Variants in STX8 observed in about 807,000 individuals in gnomAD.
STX8 encodes syntaxin 8.
A neutral mutation model predicts 37.5 loss-of-function variants in STX8; 23 were observed. The ratio of observed to expected loss-of-function variants is 0.61; its 90% CI spans 0.44 to 0.87. The LOEUF (loss-of-function observed/expected upper bound fraction) is 0.87, where lower values mean the gene tolerates loss of function less well. STX8 is among the 40% of genes least tolerant of loss of function. The probability of loss-of-function intolerance (pLI) is 0.00; values close to 1 mark genes in which losing one functional copy is unlikely to be tolerated. For synonymous variants in STX8, 115 were observed against 99.1 expected, an observed-to-expected ratio of 1.16 and a Z score of -0.95; for missense variants, 313 against 284.7, an observed-to-expected ratio of 1.10 and a Z score of -0.71.
chr17:9,558,380 T>C (rs148902175), intron 2 of STX8, among the ~76,000 whole-genome samples: 2 of 152,168 alleles, frequency 1.3e-5, no homozygotes, highest in Non-Finnish European at 2.9e-5. Flanking sequence ...CCAGCCAGTG[T>C]GTCAGAGACT....
chr17:9,395,271 C>G (rs1363925113), intron 6 of STX8, among the ~76,000 whole-genome samples: 1 of 151,978 alleles, frequency 6.6e-6, no homozygotes, highest in Non-Finnish European at 1.5e-5. Context: ...ATGTTGAAGA[C>G]AATGCGTGTT....
intron 4 of STX8, among the ~76,000 whole-genome samples, chr17:9,513,556 C>G (rs1905085775): frequency 6.6e-6 from 1 of 152,142 alleles, no homozygotes; most frequent in East Asian, 1.9e-4. Context: ...AACAGGAACT[C>G]TTATACACAG....
intron 5 of STX8, among the ~76,000 whole-genome samples, chr17:9,496,136 C>T (rs1034001194): frequency 5.3e-5 from 8 of 150,288 alleles, no homozygotes; most frequent in African/African-American, 2.0e-4. Flanking sequence ...AGTACAATGG[C>T]ATGATCTCGG....
At chr17:9,479,896 G>A (rs1271402125) in intron 6 of STX8, among the ~76,000 whole-genome samples, 1 of 151,950 alleles carries the variant, frequency 6.6e-6, no homozygotes, top group Non-Finnish European at 1.5e-5. Context: ...TGACTGACTG[G>A]CCTTCTCTCA....
rs975145865 is a variant in STX8 at position 9,542,583 on chromosome 17, A to G, written c.323+2589T>C. On this transcript the variant is annotated intron_variant, in intron 4 of 7. Transcript: ENST00000306357. ...TCCCAGCTACTCGGGAGGCTGAGGC[A>G]GGAGAGTGGTGTGAACCTGGGAGGC... 3.3e-5 allele frequency among the ~76,000 whole-genome samples: 5 copies of G among 151,990 alleles called. No individual in the cohort carries two copies. The South Asian group carries it at 1.0e-3, about 32-fold the overall frequency.
chr17:9,414,092 A>ACCCACCTACCCATCTG (rs1913083582), intron 6 of STX8, among the ~76,000 whole-genome samples: 3 of 63,190 alleles, frequency 4.7e-5, no homozygotes, highest in African/African-American at 1.6e-4. Context: ...CCATCCATCC[A>ACCCACCTACCCATCTG]TCCATCCATC....
chr17:9,357,248 G>A (rs931083317), intron 7 of STX8, among the ~76,000 whole-genome samples: 1 of 151,984 alleles, frequency 6.6e-6, no homozygotes, highest in East Asian at 1.9e-4. Flanking sequence ...GATTATAGGC[G>A]TGAGCCACTG....
At chr17:9,440,087 T>G (rs1904585119) in intron 6 of STX8, among the ~76,000 whole-genome samples, 1 of 151,960 alleles carries the variant, frequency 6.6e-6, no homozygotes, top group Admixed American at 6.6e-5. Context: ...TCCAGAACCA[T>G]GGAAAATACC....
intron 2 of STX8, among the ~76,000 whole-genome samples, chr17:9,564,588 G>A (rs1396017573): frequency 6.6e-6 from 1 of 152,084 alleles, no homozygotes; most frequent in Admixed American, 6.6e-5. Context: ...GCCAAATCAG[G>A]AATGCACTCC....
chr17:9,538,538 A>T (rs1906150710), intron 4 of STX8, among the ~76,000 whole-genome samples: 1 of 152,242 alleles, frequency 6.6e-6, no homozygotes, highest in Admixed American at 6.5e-5. Flanking sequence ...ACTGATATGA[A>T]ATACACATTG....
intron 7 of STX8, among the ~76,000 whole-genome samples, chr17:9,338,963 C>T (rs879545317): frequency 2.0e-5 from 3 of 151,198 alleles, no homozygotes; most frequent in African/African-American, 4.9e-5. Context: ...CCCAGCTACT[C>T]CAGAGGCTGA....
chr17:9,336,911 G>T (rs2142225301), intron 7 of STX8, among the ~76,000 whole-genome samples: 1 of 152,308 alleles, frequency 6.6e-6, no homozygotes, highest in South Asian at 2.1e-4. Context: ...GGGTGCAGGA[G>T]AAATGAAGTT....
At chr17:9,438,964 T>A (rs1316063610) in intron 6 of STX8, among the ~76,000 whole-genome samples, 1 of 152,024 alleles carries the variant, frequency 6.6e-6, no homozygotes, top group African/African-American at 2.4e-5. Context: ...AAAACCATAG[T>A]CAAACAAACA....
chr17:9,511,192 T>C (rs894024505), intron 4 of STX8, among the ~76,000 whole-genome samples: 26 of 151,892 alleles, frequency 1.7e-4, no homozygotes, highest in African/African-American at 6.1e-4. Flanking sequence ...TAAAGAAAAA[T>C]GCATACCAAT....
chr17:9,373,810 A>G (rs1037163549), intron 7 of STX8, among the ~76,000 whole-genome samples: 1 of 152,046 alleles, frequency 6.6e-6, no homozygotes, highest in African/African-American at 2.4e-5. Flanking sequence ...GTGGTGGCGC[A>G]TGCCTGTAAT....
intron 6 of STX8, among the ~76,000 whole-genome samples, chr17:9,459,394 G>A (rs1318554257): frequency 6.6e-6 from 1 of 152,236 alleles, no homozygotes; most frequent in Admixed American, 6.5e-5. Context: ...GATTGTGCAA[G>A]TGTTGAAAAA....
At chr17:9,462,251 C>T (rs1045973158) in intron 6 of STX8, among the ~76,000 whole-genome samples, 6 of 152,142 alleles carry the variant, frequency 3.9e-5, no homozygotes, top group Admixed American at 3.9e-4. Context: ...ATGAGACCTT[C>T]ACCTAAGGAA....
chr17:9,430,894 C>A (rs1913938930), intron 6 of STX8, among the ~76,000 whole-genome samples: 1 of 152,186 alleles, frequency 6.6e-6, no homozygotes, highest in East Asian at 1.9e-4. Context: ...CGTGATCCAC[C>A]CGCCTCGGCC....
intron 7 of STX8, among the ~76,000 whole-genome samples, chr17:9,300,830 C>CTTTTTTTTT (rs1164799565): frequency 1.6e-4 from 15 of 90,914 alleles, no homozygotes; most frequent in Non-Finnish European, 2.3e-4. Flanking sequence ...TTATTTTGTT[C>CTTTTTTTTT]TTTTTTTTTT....
Sources: gnomAD v4.1 joint callset for allele counts (sites outside exome capture counted in the v4.1 genomes callset) on GRCh38, gnomAD v4.1.1 for gene constraint, MANE v1.5 for transcripts, NCBI Gene and HGNC (gene_info 2026-07-23, HGNC 2026-07-21) for gene names.